Variants in PHACTR1 observed in about 807,000 individuals in gnomAD.
The protein encoded by PHACTR1 is RPEL repeat containing 1.
A neutral mutation model predicts 69.2 loss-of-function variants in PHACTR1; 16 were observed. The observed-to-expected ratio is 0.23, with a 90% CI of 0.16 to 0.35. The LOEUF (loss-of-function observed/expected upper bound fraction) is 0.35, where lower values mean the gene tolerates loss of function less well. Ranked by LOEUF, PHACTR1 falls within the 10% of genes least tolerant of loss-of-function variation. The pLI, the probability that PHACTR1 is intolerant of heterozygous loss-of-function variation, is 1.00. For missense variants in PHACTR1, 510 were observed against 734.7 expected (o/e 0.69, Z 3.54); for synonymous variants, 312 against 284.5 (o/e 1.10, Z -0.97).
intron 4 of PHACTR1, among the ~76,000 whole-genome samples, chr6:12,866,403 C>T (rs182487785): frequency 6.6e-6 from 1 of 152,256 alleles, no homozygotes; most frequent in African/African-American, 2.4e-5. Flanking sequence ...ACCCTTCCAC[C>T]CACATCCCTG....
At chr6:13,089,322 G>A (rs1812829152) in intron 5 of PHACTR1, among the ~76,000 whole-genome samples, 1 of 152,108 alleles carries the variant, frequency 6.6e-6, no homozygotes, top group Non-Finnish European at 1.5e-5. Context: ...ACACAGAGTG[G>A]GATTTCTGAG....
intron 10 of PHACTR1, among the ~76,000 whole-genome samples, chr6:13,237,080 T>G (rs1303093974): frequency 6.6e-6 from 1 of 152,232 alleles, no homozygotes; most frequent in Non-Finnish European, 1.5e-5. Context: ...AATTTCAATT[T>G]TTTTAGACTT....
intron 5 of PHACTR1, among the ~76,000 whole-genome samples, chr6:13,114,888 G>A (rs919181226): frequency 6.6e-6 from 1 of 152,160 alleles, no homozygotes; most frequent in Non-Finnish European, 1.5e-5. Context: ...CACATTTTTT[G>A]AGCACTTACT....
chr6:12,959,421 C>A (rs539312446), intron 4 of PHACTR1, among the ~76,000 whole-genome samples: 1 of 152,128 alleles, frequency 6.6e-6, no homozygotes, highest in African/African-American at 2.4e-5. Flanking sequence ...TGATGCTCAA[C>A]AAACAAAACT....
chr6:13,151,306 G>A (rs538084446), intron 5 of PHACTR1, among the ~76,000 whole-genome samples: 4 of 152,324 alleles, frequency 2.6e-5, no homozygotes, highest in African/African-American at 9.6e-5. Flanking sequence ...AATCTGAGCA[G>A]GACCAAATGA....
chr6:13,083,085 G>T (rs1312237558), intron 5 of PHACTR1, among the ~76,000 whole-genome samples: 3 of 152,098 alleles, frequency 2.0e-5, no homozygotes, highest in South Asian at 4.1e-4. Context: ...TAGGTCTAAC[G>T]TGTAAGTCTT....
chr6:12,996,896 T>C (rs1797475992), intron 4 of PHACTR1, among the ~76,000 whole-genome samples: 2 of 152,354 alleles, frequency 1.3e-5, no homozygotes, highest in Non-Finnish European at 2.9e-5. Context: ...CCGGGTGCGA[T>C]GGCTCACCCC....
chr6:13,265,625 T>A (rs1449910413), intron 10 of PHACTR1, among the ~76,000 whole-genome samples: 1 of 152,206 alleles, frequency 6.6e-6, no homozygotes. Context: ...ACCGAGTCTA[T>A]TGGAACATCC....
At chr6:12,875,985 T>C (rs780099881) in intron 4 of PHACTR1, among the ~76,000 whole-genome samples, 2 of 152,204 alleles carry the variant, frequency 1.3e-5, no homozygotes, top group Non-Finnish European at 2.9e-5. Context: ...GGAACACGAA[T>C]GGGAAGATGG....
At chr6:12,981,130 C>T (rs905555165) in intron 4 of PHACTR1, among the ~76,000 whole-genome samples, 1 of 152,242 alleles carries the variant, frequency 6.6e-6, no homozygotes, top group Non-Finnish European at 1.5e-5. Context: ...TATCTTCTTG[C>T]ATGAGTGCTG....
intron 4 of PHACTR1, 140 bp from the exon 5 acceptor site, chr6:13,053,225 C>G (rs1806223914): frequency 2.1e-6 from 2 of 950,356 alleles, no homozygotes; most frequent in Non-Finnish European, 3.0e-6. Context: ...GGTGTGACTT[C>G]CATTCCAAAA....
At chr6:12,791,377 C>T (rs116415690) in intron 4 of PHACTR1, among the ~76,000 whole-genome samples, 1 of 152,164 alleles carries the variant, frequency 6.6e-6, no homozygotes, top group Non-Finnish European at 1.5e-5. Context: ...ATAGATCAGC[C>T]CAATAGTTCA....
intron 4 of PHACTR1, among the ~76,000 whole-genome samples, chr6:12,939,708 G>A (rs1789861573): frequency 6.6e-6 from 1 of 151,982 alleles, no homozygotes; most frequent in Non-Finnish European, 1.5e-5. Context: ...GACCCCAGGA[G>A]CTAGGGGGGG....
chr6:13,126,132 A>G (rs1819501726), intron 5 of PHACTR1, among the ~76,000 whole-genome samples: 1 of 152,200 alleles, frequency 6.6e-6, no homozygotes, highest in Admixed American at 6.5e-5. Flanking sequence ...GCAAGAAGAA[A>G]GAAAAATGGT....
At chr6:13,050,907 C>T (rs920657812) in intron 4 of PHACTR1, among the ~76,000 whole-genome samples, 4 of 152,150 alleles carry the variant, frequency 2.6e-5, no homozygotes, top group Admixed American at 2.0e-4. Context: ...TGCTGATTCT[C>T]CCACCTGGCT....
At chr6:13,167,509 G>A (rs1351330277) in intron 6 of PHACTR1, among the ~76,000 whole-genome samples, 1 of 152,210 alleles carries the variant, frequency 6.6e-6, no homozygotes, top group Non-Finnish European at 1.5e-5. Flanking sequence ...GCAGCCTGCC[G>A]TGAGATCAGT....
intron 4 of PHACTR1, among the ~76,000 whole-genome samples, chr6:12,792,621 A>T (rs369516297): frequency 2.1e-4 from 32 of 152,016 alleles, no homozygotes; most frequent in African/African-American, 7.0e-4. Context: ...GGTTGCGAAA[A>T]TTTCAGTGCT....
chr6:12,854,353 G>A (rs1195636169), intron 4 of PHACTR1, among the ~76,000 whole-genome samples: 1 of 152,206 alleles, frequency 6.6e-6, no homozygotes, highest in Non-Finnish European at 1.5e-5. Flanking sequence ...CTCAGATGTA[G>A]GGTAGTAGGC....
chr6:13,082,536 A>G (rs915919050), intron 5 of PHACTR1, among the ~76,000 whole-genome samples: 2 of 152,192 alleles, frequency 1.3e-5, no homozygotes, highest in African/African-American at 4.8e-5. Flanking sequence ...GACTTCCACA[A>G]TGGTTGAACT....
Sources: allele counts gnomAD v4.1 joint callset (sites outside exome capture counted in the v4.1 genomes callset), GRCh38; gene constraint gnomAD v4.1.1; transcripts MANE v1.5; gene names NCBI Gene and HGNC (gene_info 2026-07-23, HGNC 2026-07-21).